ITPR2: variants seen among roughly 807,000 people sequenced by gnomAD.
ITPR2 encodes the protein inositol 1,4,5-trisphosphate-gated calcium channel ITPR2.
ITPR2 carries 207 observed loss-of-function variants against 317.1 expected under a neutral mutation model. The ratio of observed to expected loss-of-function variants is 0.65; its 90% CI spans 0.58 to 0.73. The LOEUF is 0.73. Ranked by LOEUF, ITPR2 falls within the 30% of genes least tolerant of loss-of-function variation. ITPR2 has a pLI of 0.00. For missense variants in ITPR2, 2,613 were observed against 3,284.0 expected, an observed-to-expected ratio of 0.80 and a Z score of 4.99; for synonymous variants, 1,156 against 1,149.1, an observed-to-expected ratio of 1.01 and a Z score of -0.12.
chr12:26,573,898 T>A (rs575349336), intron 34 of ITPR2, among the ~76,000 whole-genome samples: 1 of 152,280 alleles, frequency 6.6e-6, no homozygotes, highest in South Asian at 2.1e-4. Context: ...GGTTTACATG[T>A]TAAGATCCTC....
Position 26,436,338 on chromosome 12 carries a change from C to T in ITPR2, c.6652G>A (p.Ala2218Thr). The part of the protein sequence containing the change: ...KWQKKIRNNP[A>T]LFWFSRHISL... The stretch of plus-strand genomic sequence containing the variant: ...ATGTGCCTCGAGAACCAGAACAGTG[C>T]AGGGTTATCTAGGAAGTGAGAAATG... The change falls in exon 48 of 57, where the codon GCA becomes ACA. Residue 2218 changes from alanine (A) to threonine (T), a missense_variant. Ala to Thr is a moderately conservative substitution (Grantham distance 58, BLOSUM62 0). Transcript: ENST00000381340. The T allele has an allele frequency of 6.2e-7, 1 of 1,607,332 alleles. No individual in the cohort carries two copies. Among genetic ancestry groups the T allele is most frequent in the South Asian group, 1.1e-5 (1 of 89,494 alleles).
intron 45 of ITPR2, among the ~76,000 whole-genome samples, chr12:26,448,241 A>G (rs79565578): frequency 0.059 from 9,024 of 152,138 alleles, 389 homozygotes; most frequent in South Asian, 0.1. Context: ...GATGCTCCCA[A>G]CAGGACTTGA....
At chr12:26,626,902 T>A (rs913389287) in intron 23 of ITPR2, among the ~76,000 whole-genome samples, 8 of 152,130 alleles carry the variant, frequency 5.3e-5, no homozygotes, top group African/African-American at 1.9e-4. Context: ...GCCGGCTAAA[T>A]CTTCAATAAG....
At chr12:26,611,347 A>G (rs1309291104) in intron 26 of ITPR2, among the ~76,000 whole-genome samples, 1 of 152,238 alleles carries the variant, frequency 6.6e-6, no homozygotes, top group Non-Finnish European at 1.5e-5. Context: ...TAAAAGAACA[A>G]AAATAATTAT....
chr12:26,761,558 T>C (rs935330389), intron 2 of ITPR2, among the ~76,000 whole-genome samples: 1 of 152,146 alleles, frequency 6.6e-6, no homozygotes, highest in African/African-American at 2.4e-5. Context: ...ACTTTGGAAG[T>C]GGAGGTGAGA....
intron 55 of ITPR2, among the ~76,000 whole-genome samples, chr12:26,358,944 G>A (rs2063631): frequency 0.97 from 148,158 of 152,340 alleles, 72,170 homozygotes; most frequent in Non-Finnish European, 1. Context: ...CTCTGCCCCA[G>A]TGTTCCTCCT....
intron 37 of ITPR2, among the ~76,000 whole-genome samples, chr12:26,531,756 C>A (rs1026518649): frequency 1.3e-5 from 2 of 152,026 alleles, no homozygotes; most frequent in African/African-American, 2.4e-5. Context: ...CACTTAGAAC[C>A]TCATAGGAAA....
At position 26,405,964 on chromosome 12, in the gene ITPR2, G is replaced by GA. The variant is rs1940335990; in HGVS notation, c.7399+5355dup. Among the ~76,000 whole-genome samples, 3 of 151,730 alleles carry GA rather than the reference G, an allele frequency of 2.0e-5. No individual in the cohort carries two copies. The South Asian group carries it at 6.2e-4, about 31-fold the overall frequency. On this transcript the variant is annotated intron_variant, in intron 52 of 56. Transcript: ENST00000381340. The stretch of plus-strand genomic sequence containing the variant: ...CAGAGCAAGACTCCATCACAAAAAA[G>GA]AAAAAACAAAACAAAAAAACCTCTT...
At chr12:26,490,140 C>T (rs1400643852) in intron 39 of ITPR2, among the ~76,000 whole-genome samples, 1 of 152,160 alleles carries the variant, frequency 6.6e-6, no homozygotes, top group Non-Finnish European at 1.5e-5. Context: ...CTATAAAGCA[C>T]TGTAGACATA....
intron 37 of ITPR2, among the ~76,000 whole-genome samples, chr12:26,510,378 T>C (rs940971737): frequency 1.3e-5 from 2 of 151,728 alleles, no homozygotes; most frequent in African/African-American, 4.9e-5. Context: ...GAATTAAACA[T>C]AATAAAGGAT....
chr12:26,660,723 C>A (rs1442843934), intron 15 of ITPR2, among the ~76,000 whole-genome samples: 1 of 152,108 alleles, frequency 6.6e-6, no homozygotes, highest in African/African-American at 2.4e-5. Context: ...TTGATTTATA[C>A]ACTTTCATGA....
At position 26,779,125 on chromosome 12, in the gene ITPR2, G is replaced by A. The variant is rs373626138; in HGVS notation, c.163+11032C>T. ...GCCACTTGGGCCATGTGACCCAACA[G>A]ATCCAATGATGCCTGGGGTGTCAGT... On this transcript the variant is annotated intron_variant, in intron 2 of 56. Transcript: ENST00000381340. Among the ~76,000 whole-genome samples, 35 of 152,318 alleles carry A rather than the reference G, an allele frequency of 2.3e-4. No homozygotes were observed. In the East Asian group the frequency reaches 6.0e-3, roughly 26 times the overall value.
chr12:26,795,518 G>C (rs1316045762), intron 1 of ITPR2, among the ~76,000 whole-genome samples: 4 of 151,994 alleles, frequency 2.6e-5, no homozygotes, highest in Admixed American at 2.6e-4. Flanking sequence ...TTAAAAGTAA[G>C]ACTTCCATCC....
intron 42 of ITPR2, 120 bp downstream of exon 42, chr12:26,483,578 T>G (rs1942591971): frequency 1.4e-6 from 1 of 709,768 alleles, no homozygotes; most frequent in African/African-American, 1.8e-5. Flanking sequence ...TTTGTATGTT[T>G]TATTAGGAAA....
chr12:26,393,826 G>A (rs1353731005), intron 54 of ITPR2, among the ~76,000 whole-genome samples: 2 of 152,166 alleles, frequency 1.3e-5, no homozygotes, highest in Non-Finnish European at 2.9e-5. Flanking sequence ...ACAAAATCTG[G>A]AGCAACCTGG....
chr12:26,490,458 A>G (rs1210116034), intron 39 of ITPR2, among the ~76,000 whole-genome samples: 1 of 152,250 alleles, frequency 6.6e-6, no homozygotes, highest in African/African-American at 2.4e-5. Context: ...CGTAGTTTCA[A>G]CCTTTAAGGA....
At chr12:26,599,497 G>A (rs1347932788) in intron 29 of ITPR2, 152 bp from the exon 30 acceptor site, 5 of 679,414 alleles carry the variant, frequency 7.4e-6, no homozygotes, top group Non-Finnish European at 1.2e-5. Flanking sequence ...AATGCGATGA[G>A]ATCATTAACC....
At chr12:26,380,994 G>A (rs937621055) in intron 55 of ITPR2, among the ~76,000 whole-genome samples, 1 of 152,152 alleles carries the variant, frequency 6.6e-6, no homozygotes, top group African/African-American at 2.4e-5. Context: ...TGGCAAGGAG[G>A]AATTCATTCT....
chr12:26,482,121 C>T, intron 42 of ITPR2, among the ~76,000 whole-genome samples: 1 of 152,106 alleles, frequency 6.6e-6, no homozygotes, highest in Non-Finnish European at 1.5e-5. Flanking sequence ...CAGCATGGGC[C>T]TTATTTCTCC....
Sources: allele counts gnomAD v4.1 joint callset (sites outside exome capture counted in the v4.1 genomes callset), GRCh38; gene constraint gnomAD v4.1.1; transcripts MANE v1.5; gene names NCBI Gene and HGNC (gene_info 2026-07-23, HGNC 2026-07-21).